Variants in PPM1H observed in about 807,000 individuals in gnomAD.
PPM1H encodes the protein protein phosphatase 1H.
A neutral mutation model predicts 54.9 loss-of-function variants in PPM1H; 27 were observed. That is an observed-to-expected ratio of 0.49 (90% CI 0.36 to 0.68). The LOEUF is 0.68. Ranked by LOEUF, PPM1H falls within the 30% of genes least tolerant of loss-of-function variation. PPM1H has a pLI of 0.00. For missense variants in PPM1H, 596 were observed against 667.8 expected (o/e 0.89, Z 1.19); for synonymous variants, 305 against 270.8 (o/e 1.13, Z -1.24).
chr12:62,656,559 T>C (rs2075844983), intron 9 of PPM1H, among the ~76,000 whole-genome samples: 1 of 152,204 alleles, frequency 6.6e-6, no homozygotes, highest in South Asian at 2.1e-4. Flanking sequence ...CACCGTATCT[T>C]AAAGTTCTTA....
At chr12:62,883,596 A>C (rs1221293345) in intron 1 of PPM1H, among the ~76,000 whole-genome samples, 1 of 152,192 alleles carries the variant, frequency 6.6e-6, no homozygotes, top group Non-Finnish European at 1.5e-5. Flanking sequence ...CAATACGGCA[A>C]ACCATGTTTG....
At chr12:62,865,268 A>G (rs1403818234) in intron 1 of PPM1H, among the ~76,000 whole-genome samples, 3 of 152,116 alleles carry the variant, frequency 2.0e-5, no homozygotes, top group African/African-American at 7.2e-5. Flanking sequence ...GCTCCCCAGA[A>G]TAACTCTCTG....
intron 3 of PPM1H, among the ~76,000 whole-genome samples, chr12:62,791,435 T>C (rs373313552): frequency 2.1e-4 from 32 of 151,940 alleles, no homozygotes; most frequent in African/African-American, 7.5e-4. Flanking sequence ...ATTGCTACTT[T>C]TTTTGCATTT....
intron 2 of PPM1H, among the ~76,000 whole-genome samples, chr12:62,827,356 CT>C (rs1431275294): frequency 6.6e-6 from 1 of 152,114 alleles, no homozygotes; most frequent in Non-Finnish European, 1.5e-5. Context: ...TCTTCTGAGC[CT>C]GTCCCTTGCA....
intron 2 of PPM1H, among the ~76,000 whole-genome samples, chr12:62,818,683 T>C (rs1036176075): frequency 1.3e-5 from 2 of 152,210 alleles, no homozygotes; most frequent in African/African-American, 4.8e-5. Context: ...TGTGGGCTTA[T>C]AGCTCTTCAC....
intron 4 of PPM1H, among the ~76,000 whole-genome samples, chr12:62,774,322 G>A (rs141976390): frequency 2.0e-5 from 3 of 152,140 alleles, no homozygotes; most frequent in African/African-American, 7.2e-5. Flanking sequence ...GCAGCTAAGA[G>A]CAAAGACACA....
intron 2 of PPM1H, among the ~76,000 whole-genome samples, chr12:62,814,690 T>C (rs17735307): frequency 0.065 from 9,962 of 152,270 alleles, 441 homozygotes; most frequent in Middle Eastern, 0.12. Context: ...GGAGGGGCCA[T>C]ATCAACAGCA....
Position 62,934,436 on chromosome 12 carries a change from C to T in PPM1H, c.245+56G>A. Reference sequence around the variant, plus strand: ...AGCAGGGAGAGAAGAGGGCTGGAACCGTGCGGGGAAGGGCCGCGAGGAGAG... The same window carrying T: ...AGCAGGGAGAGAAGAGGGCTGGAACTGTGCGGGGAAGGGCCGCGAGGAGAG... On this transcript the variant is annotated intron_variant, in intron 1 of 9. Transcript: ENST00000228705. The surrounding 1 kb of genome is among the most constrained non-coding windows in gnomAD (Gnocchi z 4.2). 2.7e-6 allele frequency: 4 copies of T among 1,481,546 alleles called. No individual in the cohort carries two copies. The highest frequency in any genetic ancestry group is 3.6e-6 in the Non-Finnish European group (4 of 1,117,134). The allele number at this position is 1,481,546 out of a possible 1,614,324, so 91.8% of individuals were successfully genotyped here.
chr12:62,790,460 T>C (rs563082234), intron 3 of PPM1H, among the ~76,000 whole-genome samples: 133 of 152,252 alleles, frequency 8.7e-4, no homozygotes, highest in African/African-American at 3.0e-3. Context: ...TAGTCTTAGC[T>C]ACTTGGGAGG....
At chr12:62,796,754 C>T (rs772177686) in intron 3 of PPM1H, among the ~76,000 whole-genome samples, 7 of 152,162 alleles carry the variant, frequency 4.6e-5, no homozygotes, top group Admixed American at 2.0e-4. Context: ...GTTGAGGATG[C>T]GTGCACCCGT....
chr12:62,839,326 ACAAT>A (rs1206531503), intron 1 of PPM1H, among the ~76,000 whole-genome samples: 2 of 152,232 alleles, frequency 1.3e-5, no homozygotes, highest in Non-Finnish European at 2.9e-5. Context: ...CATTCAGCCC[ACAAT>A]CAGATTGATA....
intron 6 of PPM1H, among the ~76,000 whole-genome samples, chr12:62,716,920 G>A (rs560488735): frequency 6.6e-6 from 1 of 152,276 alleles, no homozygotes; most frequent in African/African-American, 2.4e-5. Context: ...ATTAAAGTTG[G>A]GGGGAGTGCT....
chr12:62,831,645 G>A (rs1025633482), intron 2 of PPM1H, among the ~76,000 whole-genome samples: 4 of 151,236 alleles, frequency 2.6e-5, no homozygotes, highest in Admixed American at 1.3e-4. Context: ...AGAGGCTTTC[G>A]GACTATTTCC....
At chr12:62,655,691 C>T (rs1365982124) in intron 9 of PPM1H, among the ~76,000 whole-genome samples, 2 of 152,086 alleles carry the variant, frequency 1.3e-5, no homozygotes, top group Non-Finnish European at 2.9e-5. Context: ...TGTTACACAC[C>T]AACTGGGACT....
chr12:62,852,364 T>C (rs1212510047), intron 1 of PPM1H, among the ~76,000 whole-genome samples: 2 of 151,808 alleles, frequency 1.3e-5, no homozygotes, highest in East Asian at 3.9e-4. Context: ...TTCCTACATG[T>C]GAGGCTACAA....
intron 2 of PPM1H, among the ~76,000 whole-genome samples, chr12:62,815,285 A>G (rs1400362048): frequency 6.6e-6 from 1 of 152,114 alleles, no homozygotes; most frequent in Non-Finnish European, 1.5e-5. Flanking sequence ...CTTCCTTCTC[A>G]GGATATGACA....
chr12:62,928,122 C>T (rs1872030125), intron 1 of PPM1H, among the ~76,000 whole-genome samples: 1 of 152,194 alleles, frequency 6.6e-6, no homozygotes, highest in South Asian at 2.1e-4. Flanking sequence ...AGAACCTACA[C>T]ACAGGACTAG....
At chr12:62,848,052 A>G (rs576006313) in intron 1 of PPM1H, among the ~76,000 whole-genome samples, 1 of 152,334 alleles carries the variant, frequency 6.6e-6, no homozygotes, top group African/African-American at 2.4e-5. Flanking sequence ...CGGAACCAGA[A>G]GCATAAGAGA....
chr12:62,823,433 G>A (rs556926513), intron 2 of PPM1H, among the ~76,000 whole-genome samples: 2 of 152,136 alleles, frequency 1.3e-5, no homozygotes, highest in South Asian at 4.2e-4. Context: ...CTGGCAGAGA[G>A]AGACACAACA....
Sources: gnomAD v4.1 joint callset for allele counts (sites outside exome capture counted in the v4.1 genomes callset) on GRCh38, gnomAD v4.1.1 for gene constraint, Gnocchi (gnomAD v3.1) non-coding constraint, MANE v1.5 for transcripts, NCBI Gene and HGNC (gene_info 2026-07-23, HGNC 2026-07-21) for gene names.